The following DCBLD1 variants were observed in gnomAD, a reference collection of about 807,000 sequenced individuals.
DCBLD1 encodes the protein discoidin, CUB and LCCL domain containing 1.
Under a neutral mutation model 71.5 loss-of-function variants are expected in DCBLD1, and 57 were observed. The ratio of observed to expected loss-of-function variants is 0.80; its 90% CI spans 0.64 to 0.99. The LOEUF (loss-of-function observed/expected upper bound fraction) is 0.99, where lower values mean the gene tolerates loss of function less well. Among genes scored for constraint, DCBLD1 ranks in the 50% least tolerant of loss-of-function variants. The probability of loss-of-function intolerance (pLI) is 0.00; values close to 1 mark genes in which losing one functional copy is unlikely to be tolerated. For synonymous variants in DCBLD1, 380 were observed against 363.8 expected, an observed-to-expected ratio of 1.04 and a Z score of -0.51; for missense variants, 891 against 923.5, an observed-to-expected ratio of 0.96 and a Z score of 0.46.
intron 5 of DCBLD1, among the ~76,000 whole-genome samples, chr6:117,526,841 C>T (rs1778560613): frequency 1.3e-5 from 2 of 152,146 alleles, no homozygotes; most frequent in South Asian, 4.1e-4. Context: ...TAAAGTGGCA[C>T]ATATTTATTA....
intron 5 of DCBLD1, among the ~76,000 whole-genome samples, chr6:117,531,450 G>A (rs1424086260): frequency 6.6e-6 from 1 of 152,184 alleles, no homozygotes; most frequent in African/African-American, 2.4e-5. Flanking sequence ...GCCACTTCCT[G>A]ACAGAGCCGA....
chr6:117,551,960 A>C (rs1456696415), downstream of DCBLD1, among the ~76,000 whole-genome samples: 1 of 152,032 alleles, frequency 6.6e-6, no homozygotes, highest in Non-Finnish European at 1.5e-5. Context: ...CCTCCTCTCT[A>C]CAAAAAAAAA....
intron 2 of DCBLD1, among the ~76,000 whole-genome samples, chr6:117,509,901 T>A (rs1777960931): frequency 6.6e-6 from 1 of 152,204 alleles, no homozygotes; most frequent in Non-Finnish European, 1.5e-5. Flanking sequence ...ACACATATTC[T>A]CCAAGCCACA....
At chr6:117,555,355 G>GA (rs957737965) in intron 14 of DCBLD1, among the ~76,000 whole-genome samples, 2 of 151,822 alleles carry the variant, frequency 1.3e-5, no homozygotes, top group Non-Finnish European at 2.9e-5. Flanking sequence ...TTTTTCCTCT[G>GA]AAAAATCAGG....
chr6:117,490,093 G>A (rs1777234906), intron 1 of DCBLD1, among the ~76,000 whole-genome samples: 1 of 147,222 alleles, frequency 6.8e-6, no homozygotes, highest in Non-Finnish European at 1.5e-5. Flanking sequence ...TTATGTAAAT[G>A]CACACACACA....
Position 117,503,489 on chromosome 6 carries a change from G to GA in DCBLD1, c.113-272dup, listed in dbSNP as rs566540688. On this transcript the variant is annotated intron_variant, in intron 1 of 14. Coordinates refer to ENST00000338728, the MANE Select transcript of DCBLD1 (RefSeq NM_001366458.2). Reference sequence around the variant, plus strand: ...GGACGGGTGGAGAGATAGATGATTAGAAAAAATAATGATTAAATGATTTGT... The same window carrying GA: ...GGACGGGTGGAGAGATAGATGATTAGAAAAAAATAATGATTAAATGATTTGT... 114 of 402,598 alleles carry GA rather than the reference G, an allele frequency of 2.8e-4. No individual in the cohort carries two copies. In the Middle Eastern group the frequency reaches 3.5e-3, roughly 13 times the overall value. The allele number at this position is 402,598 out of a possible 1,614,324, so 24.9% of individuals were successfully genotyped here.
intron 7 of DCBLD1, among the ~76,000 whole-genome samples, chr6:117,537,652 T>A (rs1778942328): frequency 6.9e-6 from 1 of 145,068 alleles, no homozygotes; most frequent in Non-Finnish European, 1.5e-5. Context: ...TTTCTCAGGT[T>A]ACATAGCACC....
At chr6:117,525,877 T>C (rs1170348838) in intron 5 of DCBLD1, among the ~76,000 whole-genome samples, 1 of 152,218 alleles carries the variant, frequency 6.6e-6, no homozygotes, top group Non-Finnish European at 1.5e-5. Context: ...CAAGTTCTTA[T>C]GTCCAGTAAG....
chr6:117,569,820 A>G, exon 15 of DCBLD1: 1 of 1,385,502 alleles, frequency 7.2e-7, no homozygotes, highest in African/African-American at 1.5e-5. Flanking sequence ...TATTTTCTTA[A>G]AAATATATTT....
Position 117,482,795 on chromosome 6 carries a change from C to G in DCBLD1, c.14C>G (p.Ala5Gly). Residue 5 changes from alanine (A) to glycine (G), a missense_variant, in exon 1 of 15, where the codon GCC becomes GGC. Physicochemically the swap from Ala to Gly is moderately conservative, Grantham distance 60 (BLOSUM62 0). Coordinates refer to ENST00000338728, the MANE Select transcript of DCBLD1 (RefSeq NM_001366458.2). Reference protein sequence around the residue: MVPGARGGGALARAA... With the variant: MVPGGRGGGALARAA... The stretch of plus-strand genomic sequence containing the variant: ...CCCAGCGGGGTCATGGTGCCCGGCG[C>G]CCGCGGCGGCGGCGCACTGGCGCGG... 8.7e-7 allele frequency: 1 copy of G among 1,146,472 alleles called. No homozygotes were observed. Among genetic ancestry groups the G allele is most frequent in the Non-Finnish European group, 1.1e-6 (1 of 933,798 alleles). 71.0% of individuals were successfully genotyped at this position (1,146,472 alleles called of 1,614,324 possible). A position where few individuals can be genotyped will look rare whatever the true frequency, so the allele number is the denominator to read the frequency against.
At chr6:117,549,876 G>A (rs1264215274), downstream of DCBLD1, 1 of 984,972 alleles carries the variant, frequency 1.0e-6, no homozygotes, top group African/African-American at 1.7e-5. Flanking sequence ...TAAAAAGGCA[G>A]GTGCCACAGT....
intron 6 of DCBLD1, among the ~76,000 whole-genome samples, chr6:117,535,664 A>G: frequency 6.6e-6 from 1 of 152,162 alleles, no homozygotes; most frequent in Non-Finnish European, 1.5e-5. Flanking sequence ...TTGGTCAACA[A>G]CAAAATTAAT....
chr6:117,553,062 C>T (rs1476423480), downstream of DCBLD1, among the ~76,000 whole-genome samples: 1 of 152,230 alleles, frequency 6.6e-6, no homozygotes, highest in Non-Finnish European at 1.5e-5. Context: ...ATCTTCATCA[C>T]AGCAGCAGGG....
chr6:117,482,797 C>CGCGGCG lies in DCBLD1; in HGVS notation c.23_28dup (p.Gly8_Gly9dup). On this transcript the variant is annotated inframe_insertion, in exon 1 of 15. Transcript: ENST00000338728. ...CAGCGGGGTCATGGTGCCCGGCGCC[C>CGCGGCG]GCGGCGGCGGCGCACTGGCGCGGGC... is the stretch of plus-strand genomic sequence containing the variant. 7 of 1,147,318 alleles carry CGCGGCG rather than the reference C, an allele frequency of 6.1e-6. No individual in the cohort carries two copies. Among genetic ancestry groups the CGCGGCG allele is most frequent in the Non-Finnish European group, 7.5e-6 (7 of 934,462 alleles). 71.1% of individuals were successfully genotyped at this position (1,147,318 alleles called of 1,614,324 possible).
downstream of DCBLD1, among the ~76,000 whole-genome samples, chr6:117,550,615 A>G (rs1779412465): frequency 6.6e-6 from 1 of 152,192 alleles, no homozygotes. Flanking sequence ...GTTTACAGTC[A>G]GCCTAGAAAA....
At chr6:117,531,789 T>C (rs1778728520) in intron 5 of DCBLD1, among the ~76,000 whole-genome samples, 1 of 152,274 alleles carries the variant, frequency 6.6e-6, no homozygotes, top group African/African-American at 2.4e-5. Flanking sequence ...AAATGATAAC[T>C]TGGCATGTGT....
intron 14 of DCBLD1, among the ~76,000 whole-genome samples, chr6:117,563,669 CT>C (rs1480084153): frequency 1.3e-5 from 2 of 151,372 alleles, no homozygotes; most frequent in African/African-American, 4.9e-5. Flanking sequence ...TTGCAGTGAG[CT>C]GAGATCGTAC....
At chr6:117,510,374 C>T (rs1489103950) in intron 2 of DCBLD1, among the ~76,000 whole-genome samples, 1 of 151,752 alleles carries the variant, frequency 6.6e-6, no homozygotes, top group African/African-American at 2.4e-5. Context: ...CACACACACA[C>T]ACACACACGT....
chr6:117,548,456 G>A lies in DCBLD1; in HGVS notation c.*17G>A. ...CTTTTGTGAACACAATGTGAAAGAA[G>A]CCTGCTGTGGTACTGAGCGTCGGGC... On this transcript the variant is annotated 3_prime_UTR_variant, in exon 15 of 15. Transcript: ENST00000338728. The A allele has an allele frequency of 6.5e-7, 1 of 1,550,192 alleles. No homozygotes were observed. The highest frequency in any genetic ancestry group is 2.4e-5 in the East Asian group (1 of 40,926).
Sources: gnomAD v4.1 joint callset for allele counts (sites outside exome capture counted in the v4.1 genomes callset) on GRCh38, gnomAD v4.1.1 for gene constraint, MANE v1.5 for transcripts, NCBI Gene and HGNC (gene_info 2026-07-23, HGNC 2026-07-21) for gene names.